SNAP47: variants seen among roughly 807,000 people sequenced by gnomAD.
SNAP47 encodes the protein synaptosome associated protein 47.
In SNAP47, 20 loss-of-function variants were observed where a neutral mutation model predicts 31.4. That is an observed-to-expected ratio of 0.64 (90% CI 0.45 to 0.93). The LOEUF (loss-of-function observed/expected upper bound fraction) is 0.93, where lower values mean the gene tolerates loss of function less well. Ranked by LOEUF, SNAP47 falls within the 40% of genes least tolerant of loss-of-function variation. The pLI is 0.00. For synonymous variants in SNAP47, 194 were observed against 213.4 expected, an observed-to-expected ratio of 0.91 and a Z score of 0.79; for missense variants, 492 against 528.5, an observed-to-expected ratio of 0.93 and a Z score of 0.68.
chr1:227,773,270 C>CA (rs918355672), intron 4 of SNAP47, among the ~76,000 whole-genome samples: 2 of 148,896 alleles, frequency 1.3e-5, no homozygotes, highest in South Asian at 2.1e-4. Context: ...TGTGCCTGGC[C>CA]AAAAAAAAGT....
chr1:227,752,396 C>T (rs1662432970), intron 2 of SNAP47, among the ~76,000 whole-genome samples: 1 of 152,096 alleles, frequency 6.6e-6, no homozygotes, highest in African/African-American at 2.4e-5. Flanking sequence ...CCCTTGGCCA[C>T]TCTCTCCCCG....
chr1:227,759,107 T>C lies in SNAP47; in HGVS notation c.610T>C (p.Phe204Leu). Residue 204 changes from phenylalanine (F) to leucine (L), a missense_variant, in exon 3 of 5, where the codon TTT becomes CTT. Coordinates refer to ENST00000617596, the MANE Select transcript of SNAP47 (RefSeq NM_053052.4). ...TGTCTCCATGACCAGTTGTGAACCC[T>C]TTGGGAAAGAAGGGATACTGATAAA... is the stretch of plus-strand genomic sequence containing the variant. ...EDVSMTSCEP[F>L]GKEGILIKIP... 1 of 1,614,094 alleles carries C rather than the reference T, an allele frequency of 6.2e-7. No homozygotes were observed. Among genetic ancestry groups the C allele is most frequent in the East Asian group, 2.2e-5 (1 of 44,870 alleles).
In SNAP47 at chr1:227,780,887, C is replaced by G; in HGVS notation, c.*214C>G. On this transcript the variant is annotated 3_prime_UTR_variant, in exon 5 of 5. Coordinates refer to ENST00000617596, the MANE Select transcript of SNAP47 (RefSeq NM_053052.4). ...GGCTGTCCCTGCTGCTGGGCAGGAC[C>G]CGGCCACATGTTCTGCGGATGCTGC... The G allele has an allele frequency of 3.2e-6, 2 of 624,472 alleles. No individual in the cohort carries two copies. Among genetic ancestry groups the G allele is most frequent in the South Asian group, 3.9e-5 (2 of 50,892 alleles). 38.7% of individuals were successfully genotyped at this position (624,472 alleles called of 1,614,324 possible). A position where few individuals can be genotyped will look rare whatever the true frequency, so the allele number is the denominator to read the frequency against.
chr1:227,735,520 G>C, intron 1 of SNAP47, 21 bp downstream of exon 1: 2 of 1,376,478 alleles, frequency 1.5e-6, no homozygotes, highest in Non-Finnish European at 1.9e-6. Flanking sequence ...GTGTTGGTCT[G>C]TTGGGCGCCC....
chr1:227,754,924 G>T (rs150872009), intron 2 of SNAP47, among the ~76,000 whole-genome samples: 10 of 152,290 alleles, frequency 6.6e-5, no homozygotes, highest in African/African-American at 2.4e-4. Flanking sequence ...TCCTTTAGTT[G>T]TATAAACCAA....
chr1:227,745,102 C>G (rs1418582632), intron 1 of SNAP47, among the ~76,000 whole-genome samples: 1 of 152,188 alleles, frequency 6.6e-6, no homozygotes, highest in Non-Finnish European at 1.5e-5. Flanking sequence ...TTGTAGCACC[C>G]AGCTGAAATT....
intron 1 of SNAP47, chr1:227,735,823 G>T (rs2102876018): frequency 1.4e-6 from 1 of 730,004 alleles, no homozygotes; most frequent in Non-Finnish European, 1.7e-6. Context: ...ACCTGGAGAG[G>T]ACGGTGGCAC....
chr1:227,733,760 A>G, upstream of SNAP47: 3 of 1,590,898 alleles, frequency 1.9e-6, no homozygotes, highest in East Asian at 4.5e-5. Context: ...GCCTGGTCCA[A>G]CTGAAGGAGG....
chr1:227,757,091 G>A (rs913999816), intron 2 of SNAP47, among the ~76,000 whole-genome samples: 4 of 152,178 alleles, frequency 2.6e-5, no homozygotes, highest in African/African-American at 9.7e-5. Flanking sequence ...GGCTCCAGGG[G>A]CCATCCCATT....
intron 1 of SNAP47, among the ~76,000 whole-genome samples, chr1:227,729,361 A>C (rs879538157): frequency 2.0e-5 from 3 of 152,140 alleles, no homozygotes; most frequent in African/African-American, 2.4e-5. Flanking sequence ...GGAACAAGTC[A>C]CTGACTTGGA....
At chr1:227,734,695 G>A, upstream of SNAP47, 1 of 1,614,178 alleles carries the variant, frequency 6.2e-7, no homozygotes, top group East Asian at 2.2e-5. Context: ...CCCTGGGAGA[G>A]GAGTAGCCCG....
chr1:227,756,568 C>T (rs1662708470), intron 2 of SNAP47, among the ~76,000 whole-genome samples: 1 of 152,248 alleles, frequency 6.6e-6, no homozygotes, highest in Admixed American at 6.5e-5. Flanking sequence ...TCTGCCTGCT[C>T]AGAAGCATCC....
intron 1 of SNAP47, among the ~76,000 whole-genome samples, chr1:227,729,258 C>T (rs187433082): frequency 3.9e-5 from 6 of 152,268 alleles, no homozygotes; most frequent in African/African-American, 1.4e-4. Context: ...GGCCCAGGTC[C>T]CTGGAGTTCC....
In SNAP47 at chr1:227,748,060, C is replaced by T. The variant is rs370494076; in HGVS notation, c.324C>T (p.Ala108=). The change falls in exon 2 of 5, where the codon GCC becomes GCT. Residue 108 remains alanine, a synonymous_variant. Coordinates refer to ENST00000617596, the MANE Select transcript of SNAP47 (RefSeq NM_053052.4). ...AGCTGCTGCTGTCTCAGCCTGGAGC[C>T]GTGGCAGACGCATCTGTCCCAAGGA... ...WRELLLSQPG[A]VADASVPRTR... is the part of the protein sequence containing the mutation. The T allele has an allele frequency of 4.3e-6, 7 of 1,614,124 alleles. No individual in the cohort carries two copies. The East Asian group carries it at 6.7e-5, about 15-fold the overall frequency.
At chr1:227,757,730 G>C (rs1662783264) in intron 2 of SNAP47, among the ~76,000 whole-genome samples, 1 of 152,198 alleles carries the variant, frequency 6.6e-6, no homozygotes. Context: ...ACAGTCAAAG[G>C]TTCAACTAAT....
chr1:227,781,049 G>C lies in SNAP47; in HGVS notation c.*376G>C. The C allele has an allele frequency of 4.9e-6, 1 of 202,976 alleles. No individual in the cohort carries two copies. The highest frequency in any genetic ancestry group is 5.4e-5 in the Admixed American group (1 of 18,358). The allele number at this position is 202,976 out of a possible 1,614,324, so 12.6% of individuals were successfully genotyped here. ...CTATAAATTTGTGAGTGAAGTTAGA[G>C]CCCAGCTCACTTAGCCAGCTCACTT... On this transcript the variant is annotated 3_prime_UTR_variant, in exon 5 of 5. Transcript: ENST00000617596.
At position 227,759,341 on chromosome 1, in the gene SNAP47, T is replaced by C; in HGVS notation, c.844T>C (p.Leu282=). ...FIGKPDMAYR[L]ISAKMPEVIP... is the part of the protein sequence containing the mutation. ...TGGAAAGCCAGACATGGCCTATCGT[T>C]TGATATCTGCCAAGATGCCAGAGGT... The change falls in exon 3 of 5, where the codon TTG becomes CTG. Residue 282 remains leucine, a synonymous_variant. Coordinates refer to ENST00000617596, the MANE Select transcript of SNAP47 (RefSeq NM_053052.4). 6.2e-7 allele frequency: 1 copy of C among 1,614,254 alleles called. No individual in the cohort carries two copies. Among genetic ancestry groups the C allele is most frequent in the Non-Finnish European group, 8.5e-7 (1 of 1,180,046 alleles).
At chr1:227,768,245 A>G (rs554518391) in intron 4 of SNAP47, 5 of 984,236 alleles carry the variant, frequency 5.1e-6, no homozygotes, top group Admixed American at 6.1e-5. Context: ...GTCTTCCCCT[A>G]CAGTTGATTC....
chr1:227,747,180 C>G (rs1342372535), intron 1 of SNAP47: 1 of 153,992 alleles, frequency 6.5e-6, no homozygotes, highest in Non-Finnish European at 1.4e-5. Context: ...ATTGTTTTCT[C>G]TATGCAATGA....
Sources: allele counts gnomAD v4.1 joint callset (sites outside exome capture counted in the v4.1 genomes callset), GRCh38; gene constraint gnomAD v4.1.1; transcripts MANE v1.5; gene names NCBI Gene and HGNC (gene_info 2026-07-23, HGNC 2026-07-21).